LRCH1: variants seen among roughly 807,000 people sequenced by gnomAD.
LRCH1 encodes the protein leucine rich repeats and calponin homology domain containing 1, also known as leucine-rich repeat and calponin homology domain-containing protein 1.
LRCH1 carries 23 observed loss-of-function variants against 94.9 expected under a neutral mutation model. The ratio of observed to expected loss-of-function variants is 0.24; its 90% confidence interval spans 0.17 to 0.34. The LOEUF (loss-of-function observed/expected upper bound fraction) is 0.34. LRCH1 is among the 10% of genes least tolerant of loss of function. The pLI is 1.00. For missense variants in LRCH1, 790 were observed against 945.9 expected (o/e 0.84, Z 2.16); for synonymous variants, 364 against 354.9 (o/e 1.03, Z -0.29).
At chr13:46,586,042 A>C (rs2050431872) in intron 1 of LRCH1, among the ~76,000 whole-genome samples, 1 of 152,158 alleles carries the variant, frequency 6.6e-6, no homozygotes. Flanking sequence ...TTTTATTTTA[A>C]AATTTGTTTT....
In LRCH1 at chr13:46,553,711, A is replaced by G; in HGVS notation, c.307+8A>G. 6.2e-7 allele frequency: 1 copy of G among 1,607,872 alleles called. No homozygotes were observed. ...CGGACACGGTGCAGGCAGGTGAGTG[A>G]GGGCCGAGGGGCGGGCAGGGGTGTG... On this transcript the variant is annotated splice_region_variant and intron_variant, in intron 1 of 19. Transcript: ENST00000389797.
At chr13:46,661,171 T>C (rs1363405726) in intron 2 of LRCH1, among the ~76,000 whole-genome samples, 2 of 152,146 alleles carry the variant, frequency 1.3e-5, no homozygotes, top group East Asian at 3.9e-4. Context: ...AAGGCTGCAC[T>C]GTGTAGAGGG....
intron 2 of LRCH1, among the ~76,000 whole-genome samples, chr13:46,659,682 G>T (rs2051420419): frequency 6.6e-6 from 1 of 152,206 alleles, no homozygotes; most frequent in African/African-American, 2.4e-5. Context: ...TTGTGTGTGG[G>T]TGGCTGTGGG....
intron 1 of LRCH1, among the ~76,000 whole-genome samples, chr13:46,570,534 C>T (rs1407843839): frequency 1.3e-5 from 2 of 152,178 alleles, no homozygotes; most frequent in Non-Finnish European, 2.9e-5. Flanking sequence ...TGCTCCACTG[C>T]GTGCATGAGG....
At chr13:46,688,333 C>T (rs1593353376) in intron 6 of LRCH1, among the ~76,000 whole-genome samples, 1 of 151,950 alleles carries the variant, frequency 6.6e-6, no homozygotes, top group East Asian at 1.9e-4. Flanking sequence ...TATATTGAGC[C>T]CAGACATGCC....
At chr13:46,613,684 C>T (rs965139573) in intron 1 of LRCH1, among the ~76,000 whole-genome samples, 2 of 152,178 alleles carry the variant, frequency 1.3e-5, no homozygotes, top group African/African-American at 4.8e-5. Context: ...TGGTGTGTTG[C>T]AGAACCTGAC....
At chr13:46,655,161 C>T (rs2051354383) in intron 2 of LRCH1, among the ~76,000 whole-genome samples, 1 of 152,110 alleles carries the variant, frequency 6.6e-6, no homozygotes, top group Non-Finnish European at 1.5e-5. Flanking sequence ...ATGATGATGA[C>T]TATGATGGTG....
At chr13:46,705,612 G>C (rs1871719989) in intron 13 of LRCH1, 2 of 505,840 alleles carry the variant, frequency 4.0e-6, no homozygotes, top group Middle Eastern at 4.4e-4. Flanking sequence ...GAATCTGCCT[G>C]TGTGTCAGAA....
intron 19 of LRCH1, among the ~76,000 whole-genome samples, chr13:46,739,258 A>G (rs1873535052): frequency 6.6e-6 from 1 of 152,198 alleles, no homozygotes; most frequent in Non-Finnish European, 1.5e-5. Flanking sequence ...GTTGTGTGCA[A>G]CCTAAGTGAA....
chr13:46,641,010 T>C (rs1280485037), intron 1 of LRCH1, among the ~76,000 whole-genome samples: 1 of 152,130 alleles, frequency 6.6e-6, no homozygotes, highest in Non-Finnish European at 1.5e-5. Flanking sequence ...CGTTGGGTTG[T>C]TTGGTCTGCA....
At chr13:46,618,710 C>G (rs140629164) in intron 1 of LRCH1, among the ~76,000 whole-genome samples, 3 of 152,330 alleles carry the variant, frequency 2.0e-5, no homozygotes, top group African/African-American at 7.2e-5. Flanking sequence ...AATAGAACAA[C>G]TTCCATCACT....
In LRCH1 at chr13:46,589,168, C is replaced by A. The variant is rs955663025; in HGVS notation, c.307+35465C>A. ...CCTCCCACCTCAGCCTCCCAAGTAG[C>A]TGGAACTATAGGCACATGCCACCAC... On this transcript the variant is annotated intron_variant, in intron 1 of 19. Coordinates refer to ENST00000389797, the MANE Select transcript of LRCH1 (RefSeq NM_001164211.2). Among the ~76,000 whole-genome samples the A allele has an allele frequency of 5.9e-5, 9 of 151,946 alleles. No homozygotes were observed. In the South Asian group the frequency reaches 1.9e-3, roughly 32 times the overall value.
At chr13:46,577,270 T>C (rs569565442) in intron 1 of LRCH1, among the ~76,000 whole-genome samples, 2 of 152,240 alleles carry the variant, frequency 1.3e-5, no homozygotes, top group African/African-American at 2.4e-5. Context: ...CTAATTTTTG[T>C]ATCTTTTAGT....
rs563056613 is a variant in LRCH1 at position 46,693,408 on chromosome 13, G to A, written c.1120+767G>A. Among the ~76,000 whole-genome samples the A allele has an allele frequency of 1.8e-3, 270 of 152,274 alleles. 1 individual carries two copies. Among genetic ancestry groups the A allele is most frequent in the African/African-American group, 6.3e-3 (262 of 41,530 alleles). Reference sequence around the variant, plus strand: ...TTTTAAGCCAGAAGAAGAGCGTGGAGGTTTGCTCGTGGGAGGTTTTTATGG... The same window carrying A: ...TTTTAAGCCAGAAGAAGAGCGTGGAAGTTTGCTCGTGGGAGGTTTTTATGG... On this transcript the variant is annotated intron_variant, in intron 8 of 19. Transcript: ENST00000389797.
intron 16 of LRCH1, chr13:46,717,631 G>A (rs1051117456): frequency 6.6e-6 from 1 of 152,116 alleles, no homozygotes; most frequent in Non-Finnish European, 1.5e-5. Flanking sequence ...ATTTTCTAAT[G>A]TAATGCTATC....
At chr13:46,634,230 C>T (rs1163863870) in intron 1 of LRCH1, among the ~76,000 whole-genome samples, 1 of 152,222 alleles carries the variant, frequency 6.6e-6, no homozygotes. Flanking sequence ...TCATCCACGT[C>T]AGAAAGCCCC....
intron 16 of LRCH1, among the ~76,000 whole-genome samples, chr13:46,719,938 C>T (rs970217035): frequency 2.6e-5 from 4 of 152,266 alleles, no homozygotes; most frequent in African/African-American, 9.6e-5. Context: ...GCGGAGTTTG[C>T]AGTGAGCCGA....
chr13:46,588,373 G>A (rs373470502), intron 1 of LRCH1, among the ~76,000 whole-genome samples: 1 of 152,036 alleles, frequency 6.6e-6, no homozygotes, highest in Non-Finnish European at 1.5e-5. Flanking sequence ...TAAATAAGGC[G>A]TAACTTTGCT....
intron 1 of LRCH1, among the ~76,000 whole-genome samples, chr13:46,639,253 TC>T (rs1460402384): frequency 4.6e-5 from 7 of 152,174 alleles, no homozygotes; most frequent in Non-Finnish European, 8.8e-5. Context: ...TTTTTCTGTC[TC>T]CCTGTAGAGA....
Sources: allele counts gnomAD v4.1 joint callset (sites outside exome capture counted in the v4.1 genomes callset), GRCh38; gene constraint gnomAD v4.1.1; transcripts MANE v1.5; gene names NCBI Gene and HGNC (gene_info 2026-07-23, HGNC 2026-07-21).